DCDC2: variants seen among roughly 807,000 people sequenced by gnomAD.
DCDC2 encodes doublecortin domain containing 2, also known as doublecortin domain-containing protein 2.
A neutral mutation model predicts 50.2 loss-of-function variants in DCDC2; 40 were observed. The observed-to-expected ratio is 0.80, with a 90% confidence interval of 0.62 to 1.04. The LOEUF (loss-of-function observed/expected upper bound fraction) is 1.04. Ranked by LOEUF, DCDC2 falls within the 50% of genes least tolerant of loss-of-function variation. The pLI, the probability that DCDC2 is intolerant of heterozygous loss-of-function variation, is 0.00. For missense variants in DCDC2, 570 were observed against 581.9 expected (o/e 0.98, Z 0.21); for synonymous variants, 234 against 210.6 (o/e 1.11, Z -0.96).
rs368404479 is a variant in DCDC2 at position 24,201,378 on chromosome 6, C to G, written c.1023+3624G>C. Among the ~76,000 whole-genome samples the G allele has an allele frequency of 1.8e-4, 28 of 152,260 alleles. No homozygotes were observed. In the East Asian group the frequency reaches 4.8e-3, roughly 26 times the overall value. Reference sequence around the variant, plus strand: ...GAAAAACCACACAAGTACATGGAAACTGAACAACCTGCTCCTGAATGACTA... The same window carrying G: ...GAAAAACCACACAAGTACATGGAAAGTGAACAACCTGCTCCTGAATGACTA... On this transcript the variant is annotated intron_variant, in intron 8 of 9. Coordinates refer to ENST00000378454, the MANE Select transcript of DCDC2 (RefSeq NM_016356.5).
chr6:24,380,290 A>G, the DCDC2 span, among the ~76,000 whole-genome samples: 1 of 152,192 alleles, frequency 6.6e-6, no homozygotes, highest in Non-Finnish European at 1.5e-5. Flanking sequence ...TGCCAGAAGT[A>G]CCATTTCTAA....
chr6:24,234,329 A>G (rs1002287112), intron 7 of DCDC2, among the ~76,000 whole-genome samples: 9 of 152,202 alleles, frequency 5.9e-5, no homozygotes, highest in African/African-American at 2.4e-5. Flanking sequence ...AGATGATACA[A>G]AAGAGTCAGA....
chr6:24,274,234 G>C (rs530550840), intron 7 of DCDC2, among the ~76,000 whole-genome samples: 1 of 152,256 alleles, frequency 6.6e-6, no homozygotes, highest in South Asian at 2.1e-4. Flanking sequence ...GGTTCTAAAA[G>C]CACTACATTT....
At chr6:24,184,379 C>T (rs375547120) in intron 8 of DCDC2, among the ~76,000 whole-genome samples, 1 of 152,026 alleles carries the variant, frequency 6.6e-6, no homozygotes, top group East Asian at 1.9e-4. Context: ...CAAGACCACC[C>T]TGGGGACAAC....
chr6:24,300,472 C>A (rs73726644), intron 4 of DCDC2, among the ~76,000 whole-genome samples: 3,007 of 152,312 alleles, frequency 0.02, 86 homozygotes, highest in African/African-American at 0.064. Flanking sequence ...GGGAGAAGGA[C>A]TGGACATGCC....
intron 8 of DCDC2, among the ~76,000 whole-genome samples, chr6:24,181,265 A>G (rs914582065): frequency 1.3e-5 from 2 of 152,220 alleles, no homozygotes; most frequent in Non-Finnish European, 2.9e-5. Flanking sequence ...ATGCTTGGTA[A>G]GAAGTTTCTG....
upstream of DCDC2, among the ~76,000 whole-genome samples, chr6:24,362,561 T>C (rs1321202454): frequency 6.6e-6 from 1 of 151,542 alleles, no homozygotes; most frequent in Non-Finnish European, 1.5e-5. Flanking sequence ...ATCGTATATT[T>C]ATAAAATTAC....
At chr6:24,175,157 C>T (rs994443001) in intron 9 of DCDC2, among the ~76,000 whole-genome samples, 25 of 152,098 alleles carry the variant, frequency 1.6e-4, no homozygotes, top group African/African-American at 5.3e-4. Flanking sequence ...TTATACTTTT[C>T]AGTTTAGCAT....
chr6:24,205,376 C>T, intron 7 of DCDC2: 2 of 1,446,780 alleles, frequency 1.4e-6, no homozygotes, highest in South Asian at 1.4e-5. Flanking sequence ...GATTTACTAA[C>T]ATAGCCCTTT....
At chr6:24,357,432 G>T (rs749766446) in intron 1 of DCDC2, 26 bp downstream of exon 1, 4 of 1,571,880 alleles carry the variant, frequency 2.5e-6, no homozygotes, top group East Asian at 4.5e-5. Flanking sequence ...ACCTAAATGG[G>T]TGGGCGGTGG....
chr6:24,244,609 C>G (rs1762631961), intron 7 of DCDC2, among the ~76,000 whole-genome samples: 1 of 152,228 alleles, frequency 6.6e-6, no homozygotes, highest in Non-Finnish European at 1.5e-5. Context: ...CACCACCTCC[C>G]AGACCTGCTC....
rs976421824 is a variant in DCDC2 at position 24,287,456 on chromosome 6, C to A, written c.759+1396G>T. Among the ~76,000 whole-genome samples the A allele has an allele frequency of 2.2e-4, 34 of 152,158 alleles. 1 individual carries two copies. Among genetic ancestry groups the A allele is most frequent in the East Asian group, 9.6e-4 (5 of 5,200 alleles). ...CTGCAACCTCTGCCTTCAATGGGAG[C>A]CTTTGAACCTGTCACTTCTACTCTG... On this transcript the variant is annotated intron_variant, in intron 6 of 9. Transcript: ENST00000378454.
At chr6:24,359,395 T>G (rs1370370680), upstream of DCDC2, among the ~76,000 whole-genome samples, 2 of 77,674 alleles carry the variant, frequency 2.6e-5, no homozygotes, top group African/African-American at 5.6e-5. Flanking sequence ...TATTATATAT[T>G]ATATATATTT....
intron 8 of DCDC2, among the ~76,000 whole-genome samples, chr6:24,189,581 A>C (rs1178561961): frequency 1.3e-5 from 2 of 152,218 alleles, no homozygotes; most frequent in Non-Finnish European, 2.9e-5. Context: ...TCTTATATTT[A>C]CATCAGAATT....
intron 7 of DCDC2, among the ~76,000 whole-genome samples, chr6:24,210,054 GTC>G (rs1249035072): frequency 0.018 from 2,378 of 130,310 alleles, 20 homozygotes; most frequent in Middle Eastern, 0.044. Flanking sequence ...GTGTGTGTGT[GTC>G]TGTCTGTCTG....
intron 7 of DCDC2, among the ~76,000 whole-genome samples, chr6:24,256,253 G>C (rs374376628): frequency 1.9e-4 from 29 of 150,304 alleles, no homozygotes; most frequent in African/African-American, 7.0e-4. Context: ...TGCAGAGGGA[G>C]GGGCTTCTCA....
chr6:24,350,143 T>C (rs895555419), intron 2 of DCDC2, among the ~76,000 whole-genome samples: 10 of 152,126 alleles, frequency 6.6e-5, no homozygotes, highest in African/African-American at 1.9e-4. Flanking sequence ...AAGTATCTCT[T>C]CAAAGATGAG....
At chr6:24,310,201 T>A (rs537172669) in intron 2 of DCDC2, among the ~76,000 whole-genome samples, 1 of 152,322 alleles carries the variant, frequency 6.6e-6, no homozygotes, top group South Asian at 2.1e-4. Context: ...GAACATTATA[T>A]CCCATATAAT....
At chr6:24,249,549 A>G (rs1419719062) in intron 7 of DCDC2, among the ~76,000 whole-genome samples, 4 of 152,246 alleles carry the variant, frequency 2.6e-5, no homozygotes, top group African/African-American at 9.6e-5. Flanking sequence ...TGGTTGCACA[A>G]AACGCCTATA....
Sources: gnomAD v4.1 joint callset for allele counts (sites outside exome capture counted in the v4.1 genomes callset) on GRCh38, gnomAD v4.1.1 for gene constraint, MANE v1.5 for transcripts, NCBI Gene and HGNC (gene_info 2026-07-23, HGNC 2026-07-21) for gene names.